SERPINB12: variants seen among roughly 807,000 people sequenced by gnomAD.
SERPINB12 encodes serpin family B member 12.
A neutral mutation model predicts 41.1 loss-of-function variants in SERPINB12; 57 were observed. The ratio of observed to expected loss-of-function variants is 1.39; its 90% CI spans 1.12 to 1.73. SERPINB12 has a LOEUF of 1.73. Ranked by LOEUF, SERPINB12 falls within the 40% of genes most tolerant of loss-of-function variation. The probability of loss-of-function intolerance (pLI) is 0.00; values close to 1 mark genes in which losing one functional copy is unlikely to be tolerated. For missense variants in SERPINB12, 536 were observed against 501.9 expected, an observed-to-expected ratio of 1.07 and a Z score of -0.65; for synonymous variants, 180 against 181.3, an observed-to-expected ratio of 0.99 and a Z score of 0.06.
chr18:63,535,643 A>G, the SERPINB12 span, among the ~76,000 whole-genome samples: 1 of 152,194 alleles, frequency 6.6e-6, no homozygotes, highest in African/African-American at 2.4e-5. Flanking sequence ...GACATAAAAG[A>G]CATTTTTGGG....
intron 4 of SERPINB12, among the ~76,000 whole-genome samples, chr18:63,560,325 A>T (rs1254727071): frequency 6.6e-6 from 1 of 152,218 alleles, no homozygotes; most frequent in African/African-American, 2.4e-5. Context: ...GCTAAATAAT[A>T]AATGTGGGGG....
At chr18:63,531,208 G>C in the SERPINB12 span, among the ~76,000 whole-genome samples, 3 of 152,154 alleles carry the variant, frequency 2.0e-5, no homozygotes, top group East Asian at 5.8e-4. Context: ...AGTTCACTTG[G>C]GTCATTTAAT....
intron 2 of SERPINB12, among the ~76,000 whole-genome samples, chr18:63,557,135 C>T (rs187014191): frequency 6.6e-6 from 1 of 152,194 alleles, no homozygotes; most frequent in Non-Finnish European, 1.5e-5. Context: ...TCCCTCCTCA[C>T]TGTACCTGTC....
intron 1 of SERPINB12, among the ~76,000 whole-genome samples, chr18:63,548,725 G>A (rs761193994): frequency 2.6e-5 from 4 of 151,864 alleles, no homozygotes; most frequent in Non-Finnish European, 4.4e-5. Flanking sequence ...ACATTCAAAT[G>A]TTAGCAAGTA....
At chr18:63,563,726 T>C (rs1395328633) in intron 5 of SERPINB12, among the ~76,000 whole-genome samples, 3 of 151,992 alleles carry the variant, frequency 2.0e-5, no homozygotes, top group African/African-American at 7.3e-5. Context: ...GCGAAACCCC[T>C]TCTCTACTGA....
chr18:63,546,123 TG>T (rs2144316844), intron 1 of SERPINB12, among the ~76,000 whole-genome samples: 1 of 152,338 alleles, frequency 6.6e-6, no homozygotes, highest in African/African-American at 2.4e-5. Context: ...CTACACCTAA[TG>T]TATTTGTAGG....
At chr18:63,529,697 G>T in the SERPINB12 span, among the ~76,000 whole-genome samples, 1 of 152,200 alleles carries the variant, frequency 6.6e-6, no homozygotes. Flanking sequence ...GTGTGTGTGT[G>T]TGTGTACCTA....
rs1911116872 is a variant in SERPINB12 at position 63,566,784 on chromosome 18, A to C, written c.1051A>C (p.Thr351Pro). The C allele has an allele frequency of 6.2e-7, 1 of 1,614,022 alleles. No homozygotes were observed. The highest frequency in any genetic ancestry group is 1.7e-5 in the Admixed American group (1 of 60,002). ...DIFDETRADL[T>P]GISPSPNLYL... Reference sequence around the variant, plus strand: ...CTTTGATGAAACGAGGGCTGATCTTACTGGAATCTCTCCAAGTCCCAATTT... The same window carrying C: ...CTTTGATGAAACGAGGGCTGATCTTCCTGGAATCTCTCCAAGTCCCAATTT... The change falls in exon 8 of 8, where the codon ACT becomes CCT. Residue 351 changes from threonine (T) to proline (P), a missense_variant. Coordinates refer to ENST00000382768, the MANE Select transcript of SERPINB12 (RefSeq NM_001307928.2).
chr18:63,558,710 A>G (rs1221390682), intron 3 of SERPINB12, among the ~76,000 whole-genome samples: 1 of 152,124 alleles, frequency 6.6e-6, no homozygotes, highest in African/African-American at 2.4e-5. Flanking sequence ...GCTTATGATA[A>G]AGAAGCCTAG....
intron 3 of SERPINB12, 46 bp from the exon 4 acceptor site, chr18:63,559,532 T>C (rs761606154): frequency 6.2e-7 from 1 of 1,603,950 alleles, no homozygotes; most frequent in Admixed American, 1.7e-5. Flanking sequence ...GTTTAGCTCT[T>C]CTGATAGACA....
chr18:63,559,047 T>TTTC (rs1910798383), intron 3 of SERPINB12, among the ~76,000 whole-genome samples: 1 of 92,516 alleles, frequency 1.1e-5, no homozygotes, highest in South Asian at 3.7e-4. Context: ...TCTTTCTTTC[T>TTTC]TTCTTTCTTT....
intron 1 of SERPINB12, among the ~76,000 whole-genome samples, chr18:63,552,585 T>C (rs1454358120): frequency 6.6e-6 from 1 of 152,192 alleles, no homozygotes; most frequent in East Asian, 1.9e-4. Flanking sequence ...TATTTCATTT[T>C]GTAAATTAAT....
chr18:63,542,832 C>CT (rs1237029333), intron 1 of SERPINB12, among the ~76,000 whole-genome samples: 1 of 152,046 alleles, frequency 6.6e-6, no homozygotes, highest in African/African-American at 2.4e-5. Flanking sequence ...TCTGTTATTC[C>CT]TTTTTTATGT....
At chr18:63,558,513 G>C (rs1910758746) in intron 3 of SERPINB12, 27 bp downstream of exon 3, 2 of 1,586,268 alleles carry the variant, frequency 1.3e-6, no homozygotes, top group Non-Finnish European at 1.7e-6. Context: ...GAAAACTCTT[G>C]CCTTTCTTTT....
intron 1 of SERPINB12, among the ~76,000 whole-genome samples, chr18:63,551,062 G>T (rs1219554179): frequency 3.3e-5 from 5 of 152,020 alleles, no homozygotes; most frequent in Admixed American, 2.0e-4. Context: ...GAGGTCAGGA[G>T]ATCGAGACTA....
intron 1 of SERPINB12, among the ~76,000 whole-genome samples, chr18:63,543,611 T>C (rs1037137918): frequency 6.6e-6 from 1 of 151,768 alleles, no homozygotes; most frequent in African/African-American, 2.4e-5. Flanking sequence ...TTTTTTTTTA[T>C]TGAGACAGAG....
Position 63,566,897 on chromosome 18 carries a change from G to A in SERPINB12, c.1164G>A (p.Ser388=), listed in dbSNP as rs148428278. 3.7e-6 allele frequency: 6 copies of A among 1,614,160 alleles called. No homozygotes were observed. Among genetic ancestry groups the A allele is most frequent in the East Asian group, 2.2e-5 (1 of 44,886 alleles). The part of the protein sequence containing the change: ...QAAAATGAVV[S]ERSLRSWVEF... ...CTGCAGCCACTGGGGCTGTTGTCTC[G>A]GAAAGGTCACTACGATCTTGGGTGG... The change falls in exon 8 of 8, where the codon TCG becomes TCA. Residue 388 remains serine, a synonymous_variant. Coordinates refer to ENST00000382768, the MANE Select transcript of SERPINB12 (RefSeq NM_001307928.2).
intron 1 of SERPINB12, among the ~76,000 whole-genome samples, chr18:63,552,128 C>T (rs1245365043): frequency 6.6e-6 from 1 of 152,140 alleles, no homozygotes; most frequent in Non-Finnish European, 1.5e-5. Flanking sequence ...AGTGTGGGTT[C>T]TGCTATCTCT....
chr18:63,523,003 C>T, the SERPINB12 span, among the ~76,000 whole-genome samples: 1 of 151,974 alleles, frequency 6.6e-6, no homozygotes, highest in Non-Finnish European at 1.5e-5. Flanking sequence ...CCATATAATT[C>T]AACATATTAA....
Sources: allele counts gnomAD v4.1 joint callset (sites outside exome capture counted in the v4.1 genomes callset), GRCh38; gene constraint gnomAD v4.1.1; transcripts MANE v1.5; gene names NCBI Gene and HGNC (gene_info 2026-07-23, HGNC 2026-07-21).